The following CACNA2D1 variants were observed in gnomAD, a reference collection of about 807,000 sequenced individuals.
CACNA2D1 encodes the protein voltage-dependent calcium channel subunit alpha-2/delta-1.
A neutral mutation model predicts 171.5 loss-of-function variants in CACNA2D1; 53 were observed. The observed-to-expected ratio is 0.31, with a 90% CI of 0.25 to 0.39. The LOEUF (loss-of-function observed/expected upper bound fraction) is 0.39, where lower values mean the gene tolerates loss of function less well. CACNA2D1 is among the 10% of genes least tolerant of loss of function. The pLI is 1.00. For missense variants in CACNA2D1, 903 were observed against 1,299.8 expected (o/e 0.69, Z 4.69); for synonymous variants, 442 against 443.1 (o/e 1.00, Z 0.03).
At chr7:82,194,971 C>T (rs1310231169) in intron 3 of CACNA2D1, among the ~76,000 whole-genome samples, 2 of 151,976 alleles carry the variant, frequency 1.3e-5, no homozygotes, top group African/African-American at 4.8e-5. Context: ...TAGGCACAGA[C>T]AGCACTTTAA....
In CACNA2D1 at chr7:82,335,080, A is replaced by T. The variant is rs926177279; in HGVS notation, c.294+55T>A. On this transcript the variant is annotated intron_variant, in intron 3 of 38. Coordinates refer to ENST00000356860, the MANE Select transcript of CACNA2D1 (RefSeq NM_000722.4). ...AACCCCTCAATAGAGCATGAAAATT[A>T]AATAATAGATAAGTAAGGAAAATAA... is the stretch of plus-strand genomic sequence containing the variant. 7 of 1,136,278 alleles carry T rather than the reference A, an allele frequency of 6.2e-6. No homozygotes were observed. The Admixed American group carries it at 1.0e-4, about 16-fold the overall frequency. 70.4% of individuals were successfully genotyped at this position (1,136,278 alleles called of 1,614,324 possible). A position where few individuals can be genotyped will look rare whatever the true frequency, so the allele number is the denominator to read the frequency against.
At chr7:82,202,604 G>A (rs978972230) in intron 3 of CACNA2D1, among the ~76,000 whole-genome samples, 14 of 152,098 alleles carry the variant, frequency 9.2e-5, no homozygotes, top group African/African-American at 2.2e-4. Flanking sequence ...ATTTTTGACC[G>A]CGGTACAAGA....
intron 3 of CACNA2D1, among the ~76,000 whole-genome samples, chr7:82,190,021 A>T (rs1166003442): frequency 6.6e-6 from 1 of 151,940 alleles, no homozygotes; most frequent in African/African-American, 2.4e-5. Flanking sequence ...ATAATTAGGT[A>T]ACCCTACTTT....
chr7:81,958,502 A>T (rs1793705459), intron 38 of CACNA2D1, among the ~76,000 whole-genome samples: 1 of 151,950 alleles, frequency 6.6e-6, no homozygotes, highest in Non-Finnish European at 1.5e-5. Context: ...GAATAGATTA[A>T]TATTTCTTAA....
chr7:81,964,536 A>G (rs1446588773), intron 32 of CACNA2D1, among the ~76,000 whole-genome samples, 177 bp from the exon 33 acceptor site: 1 of 151,970 alleles, frequency 6.6e-6, no homozygotes, highest in Non-Finnish European at 1.5e-5. Context: ...AACTAAAATG[A>G]GAGTAAGTGT....
intron 12 of CACNA2D1, 27 bp from the exon 13 acceptor site, chr7:82,014,506 AT>A: frequency 8.4e-7 from 1 of 1,194,746 alleles, no homozygotes; most frequent in Non-Finnish European, 1.3e-6. Flanking sequence ...ATAGGTATTC[AT>A]TAGGCTGAAT....
chr7:82,285,630 T>C (rs1011506951), intron 3 of CACNA2D1, among the ~76,000 whole-genome samples: 2 of 152,158 alleles, frequency 1.3e-5, no homozygotes, highest in Admixed American at 6.5e-5. Flanking sequence ...GTGGACTATA[T>C]GTAACATTTT....
intron 3 of CACNA2D1, among the ~76,000 whole-genome samples, chr7:82,221,262 T>A (rs143652678): frequency 6.6e-6 from 1 of 152,326 alleles, no homozygotes; most frequent in African/African-American, 2.4e-5. Context: ...CTCCTCAATG[T>A]CCTTGGACCA....
At chr7:82,300,487 T>C (rs1812861892) in intron 3 of CACNA2D1, among the ~76,000 whole-genome samples, 2 of 152,210 alleles carry the variant, frequency 1.3e-5, no homozygotes, top group South Asian at 2.1e-4. Context: ...GAGTAATTCA[T>C]ATAAAACTAA....
At chr7:82,043,535 T>C (rs569846212) in intron 10 of CACNA2D1, among the ~76,000 whole-genome samples, 2 of 152,306 alleles carry the variant, frequency 1.3e-5, no homozygotes, top group East Asian at 3.9e-4. Context: ...CTATGATCAA[T>C]GCATTTCAAT....
intron 31 of CACNA2D1, 140 bp from the exon 32 acceptor site, chr7:81,965,805 T>C: frequency 1.5e-6 from 1 of 657,202 alleles, no homozygotes; most frequent in Non-Finnish European, 2.8e-6. Flanking sequence ...TATATGTTCA[T>C]TAAATTCTGG....
At chr7:82,305,188 T>C (rs925900319) in intron 3 of CACNA2D1, among the ~76,000 whole-genome samples, 1 of 152,176 alleles carries the variant, frequency 6.6e-6, no homozygotes, top group Non-Finnish European at 1.5e-5. Flanking sequence ...ATTAAGACAC[T>C]GTATTTTGTA....
intron 3 of CACNA2D1, among the ~76,000 whole-genome samples, chr7:82,264,874 T>C (rs1357422323): frequency 6.6e-6 from 1 of 152,192 alleles, no homozygotes; most frequent in Non-Finnish European, 1.5e-5. Flanking sequence ...TATACCTAGA[T>C]TATAATAGAG....
intron 4 of CACNA2D1, among the ~76,000 whole-genome samples, chr7:82,150,697 G>A (rs1335798382): frequency 1.3e-5 from 2 of 152,026 alleles, no homozygotes; most frequent in Non-Finnish European, 2.9e-5. Flanking sequence ...CAGATCAATT[G>A]CTGCTCTCTT....
At chr7:81,979,097 A>C (rs1282951932) in intron 24 of CACNA2D1, among the ~76,000 whole-genome samples, 1 of 152,030 alleles carries the variant, frequency 6.6e-6, no homozygotes, top group African/African-American at 2.4e-5. Flanking sequence ...GTATTGTTCC[A>C]TTTATACGAC....
At chr7:82,425,621 A>T (rs1179974901) in intron 1 of CACNA2D1, among the ~76,000 whole-genome samples, 1 of 149,712 alleles carries the variant, frequency 6.7e-6, no homozygotes, top group Non-Finnish European at 1.5e-5. Context: ...AGCTCACTGC[A>T]GCCCCAACGT....
chr7:82,139,274 G>A (rs767807520), intron 4 of CACNA2D1, among the ~76,000 whole-genome samples: 1 of 152,060 alleles, frequency 6.6e-6, no homozygotes, highest in Non-Finnish European at 1.5e-5. Context: ...TAATCATCAA[G>A]GCTAAGATTA....
intron 4 of CACNA2D1, among the ~76,000 whole-genome samples, chr7:82,148,413 G>C (rs549363181): frequency 4.6e-5 from 7 of 152,058 alleles, no homozygotes; most frequent in African/African-American, 1.7e-4. Flanking sequence ...AAGAAAAGCT[G>C]AAGGAGAGAG....
At chr7:82,094,249 A>T (rs1216040844) in intron 6 of CACNA2D1, among the ~76,000 whole-genome samples, 1 of 152,164 alleles carries the variant, frequency 6.6e-6, no homozygotes, top group Non-Finnish European at 1.5e-5. Context: ...AGAAAAAAAA[A>T]AACTATATAC....
Sources: gnomAD v4.1 joint callset for allele counts (sites outside exome capture counted in the v4.1 genomes callset) on GRCh38, gnomAD v4.1.1 for gene constraint, MANE v1.5 for transcripts, NCBI Gene and HGNC (gene_info 2026-07-23, HGNC 2026-07-21) for gene names.